Variants in GPR158 observed in about 807,000 individuals in gnomAD.
GPR158 encodes metabotropic glycine receptor.
A neutral mutation model predicts 78.2 loss-of-function variants in GPR158; 30 were observed. The ratio of observed to expected loss-of-function variants is 0.38; its 90% CI spans 0.29 to 0.52. The LOEUF is 0.52. Among genes scored for constraint, GPR158 ranks in the 20% least tolerant of loss-of-function variants. GPR158 has a pLI of 0.83. For missense variants in GPR158, 1,463 were observed against 1,523.5 expected, an observed-to-expected ratio of 0.96 and a Z score of 0.66; for synonymous variants, 581 against 591.1, an observed-to-expected ratio of 0.98 and a Z score of 0.25.
chr10:25,354,298 T>G (rs1855517570), intron 2 of GPR158, among the ~76,000 whole-genome samples: 1 of 150,236 alleles, frequency 6.7e-6, no homozygotes, highest in African/African-American at 2.5e-5. Flanking sequence ...GAGGTTGCAG[T>G]GAGCCGAGAT....
At chr10:25,383,622 T>G (rs2130568611) in intron 2 of GPR158, among the ~76,000 whole-genome samples, 1 of 152,324 alleles carries the variant, frequency 6.6e-6, no homozygotes, top group East Asian at 1.9e-4. Flanking sequence ...TTGTAACAGG[T>G]GTGGGACTTA....
chr10:25,234,196 ACT>A (rs1242388024), intron 2 of GPR158, among the ~76,000 whole-genome samples: 1 of 151,512 alleles, frequency 6.6e-6, no homozygotes, highest in Non-Finnish European at 1.5e-5. Context: ...TGGTTTCTGG[ACT>A]CTCTCTCTCT....
intron 1 of GPR158, among the ~76,000 whole-genome samples, chr10:25,213,000 G>A (rs1828987599): frequency 6.6e-6 from 1 of 152,128 alleles, no homozygotes; most frequent in South Asian, 2.1e-4. Context: ...TTGTTGTAGA[G>A]AAATGCCAGT....
intron 2 of GPR158, among the ~76,000 whole-genome samples, chr10:25,384,710 A>G (rs1352172198): frequency 1.8e-5 from 2 of 109,574 alleles, no homozygotes; most frequent in Non-Finnish European, 2.0e-5. Context: ...TGTTAAAACA[A>G]GTCTTCCCTG....
intron 7 of GPR158, among the ~76,000 whole-genome samples, chr10:25,583,283 C>T (rs1837227476): frequency 6.6e-6 from 1 of 152,156 alleles, no homozygotes; most frequent in South Asian, 2.1e-4. Flanking sequence ...AACAGCAGCT[C>T]ACCAACTACC....
chr10:25,503,144 T>C (rs1331691740), intron 5 of GPR158, among the ~76,000 whole-genome samples: 2 of 151,376 alleles, frequency 1.3e-5, no homozygotes, highest in East Asian at 3.9e-4. Context: ...TGGGAGGATC[T>C]AAGGGGACCA....
At chr10:25,485,947 T>C (rs1207558115) in intron 5 of GPR158, among the ~76,000 whole-genome samples, 1 of 152,158 alleles carries the variant, frequency 6.6e-6, no homozygotes, top group Non-Finnish European at 1.5e-5. Context: ...ATGGGATTAG[T>C]GCCCTTTTAA....
At chr10:25,532,695 T>C (rs1349434734) in intron 5 of GPR158, among the ~76,000 whole-genome samples, 1 of 151,872 alleles carries the variant, frequency 6.6e-6, no homozygotes, top group Non-Finnish European at 1.5e-5. Flanking sequence ...GAAATCCTTT[T>C]ATGCATTGTT....
intron 8 of GPR158, among the ~76,000 whole-genome samples, chr10:25,593,012 T>A (rs1837361818): frequency 2.6e-5 from 4 of 151,730 alleles, no homozygotes; most frequent in Non-Finnish European, 4.4e-5. Flanking sequence ...ATTCAAGGTA[T>A]GTGTTTTTCT....
chr10:25,237,877 C>G (rs1689980568), intron 2 of GPR158, among the ~76,000 whole-genome samples: 1 of 152,054 alleles, frequency 6.6e-6, no homozygotes, highest in Admixed American at 6.6e-5. Flanking sequence ...TCAATTTTCA[C>G]CTTTCCATTT....
intron 2 of GPR158, among the ~76,000 whole-genome samples, chr10:25,393,071 G>C (rs565155659): frequency 3.8e-4 from 58 of 152,236 alleles, no homozygotes; most frequent in Non-Finnish European, 6.2e-4. Flanking sequence ...AATAAAATCA[G>C]GAGGCATTTC....
In GPR158 at chr10:25,599,257, G is replaced by A; in HGVS notation, c.3631G>A (p.Asp1211Asn). The change falls in exon 11 of 11, where the codon GAT becomes AAT. Residue 1211 changes from aspartate (D) to asparagine (N), a missense_variant. Asp to Asn is a conservative substitution (Grantham distance 23). Transcript: ENST00000376351. Reference sequence around the variant, plus strand: ...AGGGCCTAGGAAAGAAGAGATCTGGGATAGTTTTAAAGTGTAGCATCTCCA... The same window carrying A: ...AGGGCCTAGGAAAGAAGAGATCTGGAATAGTTTTAAAGTGTAGCATCTCCA... ...IAGPRKEEIW[D>N]SFKV 1 of 1,610,936 alleles carries A rather than the reference G, an allele frequency of 6.2e-7. No homozygotes were observed. The highest frequency in any genetic ancestry group is 8.5e-7 in the Non-Finnish European group (1 of 1,179,058).
chr10:25,511,793 C>A (rs1162125621), intron 5 of GPR158, among the ~76,000 whole-genome samples: 1 of 152,090 alleles, frequency 6.6e-6, no homozygotes, highest in Non-Finnish European at 1.5e-5. Context: ...AAAGGGTGTC[C>A]TTTCCCCACT....
At chr10:25,249,994 G>A (rs1453328039) in intron 2 of GPR158, among the ~76,000 whole-genome samples, 2 of 145,616 alleles carry the variant, frequency 1.4e-5, no homozygotes, top group Admixed American at 6.9e-5. Flanking sequence ...TTCAGCTCCT[G>A]TTATTGGTCT....
At position 25,490,477 on chromosome 10, in the gene GPR158, A is replaced by G. The variant is rs866484502; in HGVS notation, c.1404+23758A>G. On this transcript the variant is annotated intron_variant, in intron 5 of 10. Coordinates refer to ENST00000376351, the MANE Select transcript of GPR158 (RefSeq NM_020752.3). The stretch of plus-strand genomic sequence containing the variant: ...CCCACCACAGTCCCCAGAGTGTGAT[A>G]TTCCCCTTCCTGTGTCCATGTGATC... Among the ~76,000 whole-genome samples, 47 of 103,584 alleles carry G rather than the reference A, an allele frequency of 4.5e-4. 1 individual carries two copies. The highest frequency in any genetic ancestry group is 5.6e-3 in the Middle Eastern group (1 of 180). 68.0% of individuals were successfully genotyped at this position (103,584 alleles called of 152,430 possible). A position where few individuals can be genotyped will look rare whatever the true frequency, so the allele number is the denominator to read the frequency against.
At chr10:25,373,469 G>T (rs36011897) in intron 2 of GPR158, among the ~76,000 whole-genome samples, 1 of 151,812 alleles carries the variant, frequency 6.6e-6, no homozygotes, top group South Asian at 2.1e-4. Flanking sequence ...TAAATCTACC[G>T]TCTGCTTTAC....
intron 5 of GPR158, among the ~76,000 whole-genome samples, chr10:25,491,877 G>A (rs1835814826): frequency 2.0e-5 from 3 of 152,164 alleles, no homozygotes; most frequent in East Asian, 1.9e-4. Context: ...ATAGACATGT[G>A]GTTTCCTATA....
chr10:25,595,603 C>T (rs982813600), intron 9 of GPR158, among the ~76,000 whole-genome samples: 5 of 152,132 alleles, frequency 3.3e-5, no homozygotes, highest in Admixed American at 2.0e-4. Context: ...CATGTTACAA[C>T]AATAAGAAGT....
At chr10:25,453,264 C>T (rs368639020) in intron 4 of GPR158, among the ~76,000 whole-genome samples, 6 of 152,072 alleles carry the variant, frequency 3.9e-5, no homozygotes, top group East Asian at 3.9e-4. Flanking sequence ...CTGGATCATA[C>T]GATTATTCTA....
Sources: allele counts gnomAD v4.1 joint callset (sites outside exome capture counted in the v4.1 genomes callset), GRCh38; gene constraint gnomAD v4.1.1; transcripts MANE v1.5; gene names NCBI Gene and HGNC (gene_info 2026-07-23, HGNC 2026-07-21).